Variants in MDN1 observed in about 807,000 individuals in gnomAD.
The protein encoded by MDN1 is midasin AAA ATPase 1, also known as midasin.
A neutral mutation model predicts 669.2 loss-of-function variants in MDN1; 266 were observed. The observed-to-expected ratio is 0.40, with a 90% CI of 0.36 to 0.44. The LOEUF is 0.44. Ranked by LOEUF, MDN1 falls within the 20% of genes least tolerant of loss-of-function variation. MDN1 has a pLI of 1.00. For synonymous variants in MDN1, 2,385 were observed against 2,457.1 expected, an observed-to-expected ratio of 0.97 and a Z score of 0.87; for missense variants, 5,940 against 6,754.0, an observed-to-expected ratio of 0.88 and a Z score of 4.22.
chr6:89,754,875 C>T (rs1817157507), intron 20 of MDN1, among the ~76,000 whole-genome samples: 1 of 152,148 alleles, frequency 6.6e-6, no homozygotes, highest in African/African-American at 2.4e-5. Context: ...CTTTATCTTG[C>T]CTCTTTGCTA....
In MDN1 at chr6:89,726,774, T is replaced by C. The variant is rs143649254; in HGVS notation, c.5472+1059A>G. Among the ~76,000 whole-genome samples, 495 of 152,228 alleles carry C rather than the reference T, an allele frequency of 3.3e-3. 2 individuals are homozygous for C. Among genetic ancestry groups the C allele is most frequent in the Non-Finnish European group, 6.0e-3 (407 of 68,020 alleles). Reference sequence around the variant, plus strand: ...AAGCATGTGTGGTTTGTTGGTAACATAGAAAAAGGAGATCGGGAAAATACA... The same window carrying C: ...AAGCATGTGTGGTTTGTTGGTAACACAGAAAAAGGAGATCGGGAAAATACA... On this transcript the variant is annotated intron_variant, in intron 37 of 101. Transcript: ENST00000369393.
chr6:89,693,228 C>T (rs1812496238), intron 62 of MDN1, 80 bp from the exon 63 acceptor site: 1 of 1,008,608 alleles, frequency 9.9e-7, no homozygotes, highest in African/African-American at 1.6e-5. Context: ...GCTAGGAAAA[C>T]CGAAGGAAGA....
intron 83 of MDN1, among the ~76,000 whole-genome samples, chr6:89,670,164 A>T (rs1323472149): frequency 0.012 from 222 of 18,214 alleles, 2 homozygotes; most frequent in East Asian, 0.069. Flanking sequence ...ATATATATAT[A>T]TATATATTTT....
Position 89,699,674 on chromosome 6 carries a change from G to T in MDN1, c.8924C>A (p.Ser2975Ter). The T allele has an allele frequency of 6.2e-7, 1 of 1,614,004 alleles. No individual in the cohort carries two copies. Among genetic ancestry groups the T allele is most frequent in the Non-Finnish European group, 8.5e-7 (1 of 1,179,946 alleles). ...QINEEISHLI[S>*]FCLYHTPVTP... ...AACAGGTGTGTGATAAAGACAAAAT[G>T]AGATGAGGTGACTTATCTCCTCATT... The change falls in exon 58 of 102, where the codon TCA becomes TAA. Residue 2975 changes from serine to a stop codon, truncating the protein, a stop_gained. Transcript: ENST00000369393. LOFTEE classifies it high-confidence loss of function.
chr6:89,653,243 T>A, intron 93 of MDN1, 88 bp from the exon 94 acceptor site: 1 of 1,267,680 alleles, frequency 7.9e-7, no homozygotes, highest in Non-Finnish European at 1.1e-6. Flanking sequence ...TCCTGAAAAT[T>A]AATCAAACTT....
chr6:89,648,813 CAAAA>C (rs61330666), intron 97 of MDN1, among the ~76,000 whole-genome samples: 1 of 122,128 alleles, frequency 8.2e-6, no homozygotes, highest in South Asian at 2.7e-4. Context: ...ACCCTGTCTT[CAAAA>C]AAAAAAAAAA....
chr6:89,806,960 C>T (rs967109623), intron 1 of MDN1, among the ~76,000 whole-genome samples: 6 of 152,166 alleles, frequency 3.9e-5, no homozygotes, highest in African/African-American at 1.2e-4. Flanking sequence ...CCCCAATAAT[C>T]TTAAATATAA....
chr6:89,784,418 C>T (rs1818847340), intron 9 of MDN1, among the ~76,000 whole-genome samples: 1 of 152,200 alleles, frequency 6.6e-6, no homozygotes, highest in African/African-American at 2.4e-5. Flanking sequence ...TCTTCCATGT[C>T]TGAATGACCA....
rs186536457 is a variant in MDN1 at position 89,749,209 on chromosome 6, T to C, written c.3762+14A>G. 405 of 1,612,796 alleles carry C rather than the reference T, an allele frequency of 2.5e-4. 1 individual carries two copies. In the African/African-American group the frequency reaches 4.9e-3, roughly 19 times the overall value. On this transcript the variant is annotated intron_variant, in intron 26 of 101. Transcript: ENST00000369393. Reference sequence around the variant, plus strand: ...ACCAAGTATAATCAATACATTCCATTTGAAACTAAGTACCTGAAGATCCAG... The same window carrying C: ...ACCAAGTATAATCAATACATTCCATCTGAAACTAAGTACCTGAAGATCCAG...
intron 90 of MDN1, among the ~76,000 whole-genome samples, chr6:89,657,267 C>T (rs116391125): frequency 1.5e-3 from 230 of 152,276 alleles, no homozygotes; most frequent in African/African-American, 5.3e-3. Context: ...CTAATGGGTG[C>T]TCAATGAATA....
intron 8 of MDN1, among the ~76,000 whole-genome samples, chr6:89,786,736 G>C (rs758782947): frequency 1.3e-5 from 2 of 151,982 alleles, no homozygotes; most frequent in Non-Finnish European, 2.9e-5. Flanking sequence ...GACCAGCCTG[G>C]CCAACATGGT....
chr6:89,772,705 C>A lies in MDN1; in HGVS notation c.1951G>T (p.Ala651Ser), dbSNP rs780595213. 11 of 1,613,358 alleles carry A rather than the reference C, an allele frequency of 6.8e-6. No individual in the cohort carries two copies. The highest frequency in any genetic ancestry group is 9.3e-6 in the Non-Finnish European group (11 of 1,179,756). The change falls in exon 14 of 102, where the codon GCT becomes TCT. Residue 651 changes from alanine (A) to serine (S), a missense_variant. This residue lies in a region of MDN1 where 1,203 missense variants were observed against 1,268.9 expected (regional missense o/e 0.95). Transcript: ENST00000369393. ...AGAACAGAGGACGGCCGTGTAGCAG[C>A]GAAAGTGAACTTCTCCCTGGGAAGG... ...VHLQREKFTF[A>S]ATRPSSVLIE...
intron 90 of MDN1, 91 bp downstream of exon 90, chr6:89,658,118 A>G: frequency 6.7e-7 from 1 of 1,488,952 alleles, no homozygotes; most frequent in Admixed American, 1.9e-5. Flanking sequence ...CCAAACATAA[A>G]CCAACTAATG....
chr6:89,711,340 T>A (rs1218304917), intron 49 of MDN1, among the ~76,000 whole-genome samples: 3 of 151,852 alleles, frequency 2.0e-5, no homozygotes, highest in African/African-American at 7.3e-5. Flanking sequence ...TTCAAAAATT[T>A]AAAAAAACAA....
At position 89,642,685 on chromosome 6, in the gene MDN1, T is replaced by TAACA. The variant is rs1808242067; in HGVS notation, c.*1316_*1319dup. ...ATCATGTTAGCACAGCATCAACTAG[T>TAACA]AACAGCTGACTGACTGATCCAGCAG... On this transcript the variant is annotated 3_prime_UTR_variant, in exon 102 of 102. Transcript: ENST00000369393. 1 of 152,230 alleles carries TAACA rather than the reference T, an allele frequency of 6.6e-6. No individual in the cohort carries two copies. Among genetic ancestry groups the TAACA allele is most frequent in the Admixed American group, 6.5e-5 (1 of 15,288 alleles). The allele number at this position is 152,230 out of a possible 1,614,324, so 9.4% of individuals were successfully genotyped here. A position where few individuals can be genotyped will look rare whatever the true frequency, so the allele number is the denominator to read the frequency against.
At chr6:89,758,699 G>T in intron 18 of MDN1, 117 bp downstream of exon 18, 2 of 1,117,202 alleles carry the variant, frequency 1.8e-6, no homozygotes, top group South Asian at 1.6e-5. Context: ...TCTAAAGAAT[G>T]AACAAATTCC....
intron 14 of MDN1, among the ~76,000 whole-genome samples, chr6:89,771,958 C>CA (rs1386634871): frequency 6.6e-6 from 1 of 152,130 alleles, no homozygotes; most frequent in African/African-American, 2.4e-5. Flanking sequence ...CCTCCTACCT[C>CA]AGGCTCCCAA....
chr6:89,745,855 TAA>T (rs1365646001), intron 27 of MDN1, among the ~76,000 whole-genome samples: 2 of 152,178 alleles, frequency 1.3e-5, no homozygotes, highest in African/African-American at 2.4e-5. Flanking sequence ...TCGAAAGACA[TAA>T]GCAGGAATGT....
At position 89,719,063 on chromosome 6, in the gene MDN1, C is replaced by T. The variant is rs142923572; in HGVS notation, c.6058-33G>A. The T allele has an allele frequency of 5.9e-5, 95 of 1,613,818 alleles. No homozygotes were observed. In the East Asian group the frequency reaches 1.1e-3, roughly 19 times the overall value. On this transcript the variant is annotated intron_variant, in intron 41 of 101. Transcript: ENST00000369393. The stretch of plus-strand genomic sequence containing the variant: ...GACATGCCAGTGAGATTTCCATAAG[C>T]GTGCCTGGTAGTGGGAGCAGAAGAA...
Sources: gnomAD v4.1 joint callset for allele counts (sites outside exome capture counted in the v4.1 genomes callset) on GRCh38, gnomAD v4.1.1 for gene constraint, gnomAD v4.1.1 regional missense constraint, MANE v1.5 for transcripts, NCBI Gene and HGNC (gene_info 2026-07-23, HGNC 2026-07-21) for gene names.